MAPK10: variants seen among roughly 807,000 people sequenced by gnomAD.
MAPK10 encodes the protein JNK3 alpha protein kinase.
Under a neutral mutation model 59.3 loss-of-function variants are expected in MAPK10, and 25 were observed. The ratio of observed to expected loss-of-function variants is 0.42; its 90% confidence interval spans 0.31 to 0.59. The LOEUF (loss-of-function observed/expected upper bound fraction) is 0.59, where lower values mean the gene tolerates loss of function less well. Among genes scored for constraint, MAPK10 ranks in the 20% least tolerant of loss-of-function variants. The probability of loss-of-function intolerance (pLI) is 0.15; values close to 1 mark genes in which losing one functional copy is unlikely to be tolerated. For synonymous variants in MAPK10, 190 were observed against 200.5 expected (o/e 0.95, Z 0.44); for missense variants, 351 against 568.9 (o/e 0.62, Z 3.90).
At chr4:86,156,685 T>C (rs554469617) in intron 4 of MAPK10, among the ~76,000 whole-genome samples, 1 of 152,156 alleles carries the variant, frequency 6.6e-6, no homozygotes, top group East Asian at 1.9e-4. Flanking sequence ...AACAGCAGGA[T>C]AGATGTGAGT....
intron 3 of MAPK10, among the ~76,000 whole-genome samples, chr4:86,165,150 T>G (rs2071186639): frequency 6.6e-6 from 1 of 152,122 alleles, no homozygotes; most frequent in Non-Finnish European, 1.5e-5. Context: ...GTATGGTCAT[T>G]TGGATACCGA....
chr4:86,187,349 G>A (rs1387399711), intron 3 of MAPK10, among the ~76,000 whole-genome samples: 2 of 152,140 alleles, frequency 1.3e-5, no homozygotes, highest in African/African-American at 4.8e-5. Flanking sequence ...TAACAGAGAT[G>A]GTTGTTACGT....
At chr4:86,070,137 T>C (rs138283381) in intron 9 of MAPK10, among the ~76,000 whole-genome samples, 210 of 152,310 alleles carry the variant, frequency 1.4e-3, no homozygotes, top group Middle Eastern at 3.4e-3. Flanking sequence ...TCATTGTCAA[T>C]GAAATAGTTA....
At chr4:86,392,596 C>G (rs1363734085) in intron 1 of MAPK10, among the ~76,000 whole-genome samples, 1 of 150,786 alleles carries the variant, frequency 6.6e-6, no homozygotes, top group African/African-American at 2.4e-5. Context: ...CCTGTTCCGG[C>G]AAACAAAAAA....
chr4:86,069,322 TA>T (rs2047319110), intron 9 of MAPK10, among the ~76,000 whole-genome samples: 1 of 151,998 alleles, frequency 6.6e-6, no homozygotes, highest in Non-Finnish European at 1.5e-5. Context: ...GTTATTGGAA[TA>T]AAAAATATAT....
chr4:86,377,680 G>A (rs1037426824), intron 1 of MAPK10, among the ~76,000 whole-genome samples: 11 of 152,088 alleles, frequency 7.2e-5, no homozygotes, highest in African/African-American at 2.7e-4. Flanking sequence ...ACAATATTAG[G>A]AATAAACATT....
At position 86,372,564 on chromosome 4, in the gene MAPK10, G is replaced by GAAAGAAAGAAAAAGAAAAGA; in HGVS notation, c.-121-17921_-121-17920insTCTTTTCTTTTTCTTTCTTT. Reference sequence around the variant, plus strand: ...AGAAAGAAAGAAAGAAAGAAAGAAAGAAAGAAAAGAAAAGAAAAGAAAAGA... The same window carrying GAAAGAAAGAAAAAGAAAAGA: ...AGAAAGAAAGAAAGAAAGAAAGAAAGAAAGAAAGAAAAAGAAAAGAAAAGAAAAGAAAAGAAAAGAAAAGA... On this transcript the variant is annotated intron_variant, in intron 1 of 13. Coordinates refer to the MAPK10 transcript ENST00000361569. Among the ~76,000 whole-genome samples, 44 of 78,708 alleles carry GAAAGAAAGAAAAAGAAAAGA rather than the reference G, an allele frequency of 5.6e-4. 1 individual carries two copies. Among genetic ancestry groups the GAAAGAAAGAAAAAGAAAAGA allele is most frequent in the Non-Finnish European group, 8.0e-4 (29 of 36,036 alleles). 51.6% of individuals were successfully genotyped at this position (78,708 alleles called of 152,430 possible).
intron 4 of MAPK10, among the ~76,000 whole-genome samples, chr4:86,155,330 A>T (rs2067453621): frequency 6.6e-6 from 1 of 151,846 alleles, no homozygotes; most frequent in Non-Finnish European, 1.5e-5. Flanking sequence ...ATTTTTTCAA[A>T]TTTTTGTCCA....
At chr4:86,314,858 C>A (rs1030147775) in intron 2 of MAPK10, among the ~76,000 whole-genome samples, 4 of 152,060 alleles carry the variant, frequency 2.6e-5, no homozygotes, top group Non-Finnish European at 5.9e-5. Context: ...ACACAATCTT[C>A]TATTTCTTTC....
intron 9 of MAPK10, among the ~76,000 whole-genome samples, chr4:86,069,839 T>C (rs1480281184): frequency 6.6e-6 from 1 of 152,092 alleles, no homozygotes; most frequent in African/African-American, 2.4e-5. Context: ...CACAGTATTA[T>C]ATCCTAATTA....
rs182615394 is a variant in MAPK10, at chr4:86,075,684, A to G, written c.803-7729T>C. On this transcript the variant is annotated intron_variant, in intron 9 of 13. Coordinates refer to ENST00000641462, the MANE Select transcript of MAPK10 (RefSeq NM_138982.4). ...GGTGGCAGTGTGCCCCTGCTGGGGG[A>G]TGCCTCCCAGTTAGACTTCTCGGGG... is the stretch of plus-strand genomic sequence containing the variant. 4.3e-3 allele frequency among the ~76,000 whole-genome samples: 652 copies of G among 151,298 alleles called. 31 individuals carry two copies. In the East Asian group the frequency reaches 0.1, roughly 24 times the overall value.
At chr4:86,183,715 A>G (rs2077464992) in intron 3 of MAPK10, among the ~76,000 whole-genome samples, 1 of 152,210 alleles carries the variant, frequency 6.6e-6, no homozygotes, top group Admixed American at 6.5e-5. Flanking sequence ...GAATCGCCAC[A>G]CTGACTTCCA....
At position 86,575,045 on chromosome 4, in the gene MAPK10, T is replaced by G. The variant is rs374386532; in HGVS notation, c.-263+18865A>C. Among the ~76,000 whole-genome samples the G allele has an allele frequency of 9.9e-5, 15 of 152,260 alleles. No homozygotes were observed. In the East Asian group the frequency reaches 2.3e-3, roughly 24 times the overall value. On this transcript the variant is annotated intron_variant, in intron 1 of 4. Transcript: ENST00000502302. ...CAGTAAAATAGATTGCCCTTCCCAG[T>G]GTGGGTGGGCATCATCCAATCTGTT...
chr4:86,156,220 C>T (rs1342161738), intron 4 of MAPK10, among the ~76,000 whole-genome samples: 1 of 151,942 alleles, frequency 6.6e-6, no homozygotes, highest in Non-Finnish European at 1.5e-5. Context: ...CCCAGGGCAT[C>T]TTATAACTAT....
chr4:86,177,812 A>G (rs1194135422), intron 3 of MAPK10, among the ~76,000 whole-genome samples: 1 of 152,102 alleles, frequency 6.6e-6, no homozygotes, highest in Non-Finnish European at 1.5e-5. Flanking sequence ...AGTAATAGTA[A>G]ATCAAGTGAT....
At chr4:86,094,710 T>C (rs2053908544) in intron 9 of MAPK10, among the ~76,000 whole-genome samples, 1 of 151,890 alleles carries the variant, frequency 6.6e-6, no homozygotes, top group Non-Finnish European at 1.5e-5. Flanking sequence ...GGATAGTTCT[T>C]AGAAAAAACT....
At chr4:86,571,875 A>C (rs1161862537) in intron 1 of MAPK10, among the ~76,000 whole-genome samples, 1 of 152,118 alleles carries the variant, frequency 6.6e-6, no homozygotes, top group African/African-American at 2.4e-5. Context: ...TAAAAATATA[A>C]AATATAAAGC....
At chr4:86,431,433 A>G (rs1748032043) in intron 1 of MAPK10, among the ~76,000 whole-genome samples, 1 of 152,256 alleles carries the variant, frequency 6.6e-6, no homozygotes. Flanking sequence ...AGTTTAGACA[A>G]GTGTCATCTG....
chr4:86,359,901 G>T lies in MAPK10; in HGVS notation c.-365C>A. Reference sequence around the variant, plus strand: ...AATTTGTAAAAATGAAAAAAGAAAAGAAAAAGGTAAGCATATAGCAAGCAC... The same window carrying T: ...AATTTGTAAAAATGAAAAAAGAAAATAAAAAGGTAAGCATATAGCAAGCAC... On this transcript the variant is annotated 5_prime_UTR_variant, in exon 1 of 14. Coordinates refer to ENST00000641462, the MANE Select transcript of MAPK10 (RefSeq NM_138982.4). 1.0e-6 allele frequency: 1 copy of T among 985,640 alleles called. No homozygotes were observed. The allele number at this position is 985,640 out of a possible 1,614,324, so 61.1% of individuals were successfully genotyped here. A position where few individuals can be genotyped will look rare whatever the true frequency, so the allele number is the denominator to read the frequency against.
Sources: gnomAD v4.1 joint callset for allele counts (sites outside exome capture counted in the v4.1 genomes callset) on GRCh38, gnomAD v4.1.1 for gene constraint, MANE v1.5 for transcripts, NCBI Gene and HGNC (gene_info 2026-07-23, HGNC 2026-07-21) for gene names.